Variants in SCLT1 observed in about 807,000 individuals in gnomAD.
The protein encoded by SCLT1 is sodium channel and clathrin linker 1.
Under a neutral mutation model 112.8 loss-of-function variants are expected in SCLT1, and 78 were observed. The ratio of observed to expected loss-of-function variants is 0.69; its 90% CI spans 0.58 to 0.83. The LOEUF (loss-of-function observed/expected upper bound fraction) is 0.83. Among genes scored for constraint, SCLT1 ranks in the 40% least tolerant of loss-of-function variants. SCLT1 has a pLI of 0.00. For missense variants in SCLT1, 747 were observed against 770.4 expected (o/e 0.97, Z 0.36); for synonymous variants, 257 against 254.7 (o/e 1.01, Z -0.09).
intron 5 of SCLT1, among the ~76,000 whole-genome samples, chr4:129,010,560 T>C (rs141872251): frequency 8.8e-4 from 134 of 152,322 alleles, no homozygotes; most frequent in African/African-American, 3.0e-3. Flanking sequence ...TGGAACATTT[T>C]TTCATTTGTT....
At chr4:129,048,998 G>T (rs985538357) in intron 2 of SCLT1, among the ~76,000 whole-genome samples, 36 of 151,920 alleles carry the variant, frequency 2.4e-4, no homozygotes, top group Non-Finnish European at 5.0e-4. Flanking sequence ...TGGAGAGGAT[G>T]TGGAGAAATA....
intron 2 of SCLT1, among the ~76,000 whole-genome samples, chr4:129,054,624 A>T (rs957545451): frequency 2.0e-5 from 3 of 152,008 alleles, no homozygotes; most frequent in African/African-American, 7.2e-5. Context: ...TCTTCTCTAA[A>T]CTGGTTATTA....
chr4:129,081,334 G>C (rs1807772), intron 2 of SCLT1, among the ~76,000 whole-genome samples: 2,191 of 152,316 alleles, frequency 0.014, 48 homozygotes, highest in African/African-American at 0.044. Context: ...CATGAGCAAG[G>C]CTCTAACGCT....
At chr4:129,049,914 GGT>G (rs1436168490) in intron 2 of SCLT1, among the ~76,000 whole-genome samples, 1 of 151,974 alleles carries the variant, frequency 6.6e-6, no homozygotes, top group East Asian at 1.9e-4. Context: ...GACAGGCCCT[GGT>G]GTGTGATGTT....
chr4:129,010,189 T>C (rs1029210374), intron 5 of SCLT1, among the ~76,000 whole-genome samples: 1 of 152,200 alleles, frequency 6.6e-6, no homozygotes, highest in Non-Finnish European at 1.5e-5. Flanking sequence ...CTTTCCCCAT[T>C]GCTTGAGTTA....
At chr4:129,034,793 T>C (rs911777898) in intron 5 of SCLT1, among the ~76,000 whole-genome samples, 3 of 151,630 alleles carry the variant, frequency 2.0e-5, no homozygotes, top group East Asian at 3.9e-4. Context: ...TTCAACTTCA[T>C]AGTCACATAA....
intron 14 of SCLT1, chr4:128,952,560 A>C (rs1738846786): frequency 1.7e-6 from 1 of 583,302 alleles, no homozygotes; most frequent in African/African-American, 1.9e-5. Flanking sequence ...TTACAGTAAA[A>C]TGTGATAAAT....
At chr4:128,963,842 A>G (rs750128904) in intron 11 of SCLT1, among the ~76,000 whole-genome samples, 1 of 152,216 alleles carries the variant, frequency 6.6e-6, no homozygotes, top group Non-Finnish European at 1.5e-5. Context: ...AGGGGCAGGC[A>G]TATATTTATT....
chr4:128,954,174 AG>A (rs1739020834), intron 13 of SCLT1, among the ~76,000 whole-genome samples: 1 of 152,158 alleles, frequency 6.6e-6, no homozygotes, highest in African/African-American at 2.4e-5. Context: ...AGAATTTTCT[AG>A]TACAAGATGG....
chr4:129,038,676 T>G (rs1229224910), intron 5 of SCLT1, among the ~76,000 whole-genome samples: 3 of 152,162 alleles, frequency 2.0e-5, no homozygotes, highest in Admixed American at 6.5e-5. Context: ...CTGAAAAGTT[T>G]TCATTTTATC....
chr4:129,043,969 G>A (rs762563900), intron 3 of SCLT1, 24 bp downstream of exon 3: 7 of 1,161,160 alleles, frequency 6.0e-6, no homozygotes, highest in Non-Finnish European at 8.9e-6. Context: ...CGAAGAAAAT[G>A]ATATTATTCT....
chr4:129,016,238 T>A (rs1744983355), intron 5 of SCLT1, among the ~76,000 whole-genome samples: 1 of 152,184 alleles, frequency 6.6e-6, no homozygotes, highest in Non-Finnish European at 1.5e-5. Context: ...GGTAAATGTG[T>A]GCCATGGTGG....
At chr4:128,979,591 A>T (rs1381981071) in intron 9 of SCLT1, among the ~76,000 whole-genome samples, 1 of 152,198 alleles carries the variant, frequency 6.6e-6, no homozygotes, top group Non-Finnish European at 1.5e-5. Context: ...ATTTTGTTAT[A>T]GCAGCCCCAA....
intron 5 of SCLT1, among the ~76,000 whole-genome samples, chr4:129,009,749 G>C (rs930511117): frequency 2.6e-5 from 4 of 152,152 alleles, no homozygotes; most frequent in Non-Finnish European, 5.9e-5. Flanking sequence ...TTGGCCACAT[G>C]TATGTCTTCT....
At chr4:128,994,201 G>GAA (rs1037021584) in intron 8 of SCLT1, among the ~76,000 whole-genome samples, 1 of 152,010 alleles carries the variant, frequency 6.6e-6, no homozygotes, top group African/African-American at 2.4e-5. Context: ...AAAGGCCCTG[G>GAA]AAGTCACCAT....
chr4:129,043,887 T>C, intron 3 of SCLT1, 106 bp downstream of exon 3: 1 of 650,632 alleles, frequency 1.5e-6, no homozygotes, highest in East Asian at 3.0e-5. Flanking sequence ...ACAAAGCATT[T>C]AAGTTTAATA....
intron 18 of SCLT1, among the ~76,000 whole-genome samples, chr4:128,914,552 A>G (rs538952058): frequency 6.6e-6 from 1 of 152,280 alleles, no homozygotes; most frequent in Admixed American, 6.5e-5. Context: ...AGAGTTTGTA[A>G]GAGAGGTCAG....
chr4:129,058,314 T>C (rs1749633336), intron 2 of SCLT1, among the ~76,000 whole-genome samples: 1 of 152,178 alleles, frequency 6.6e-6, no homozygotes, highest in African/African-American at 2.4e-5. Flanking sequence ...GATGTTTCAT[T>C]AGGTTAATTG....
At chr4:129,004,231 T>C (rs1013817059) in intron 5 of SCLT1, among the ~76,000 whole-genome samples, 1 of 152,118 alleles carries the variant, frequency 6.6e-6, no homozygotes, top group African/African-American at 2.4e-5. Flanking sequence ...AATATCTATG[T>C]ATATCTAGTC....
Sources: gnomAD v4.1 joint callset for allele counts (sites outside exome capture counted in the v4.1 genomes callset) on GRCh38, gnomAD v4.1.1 for gene constraint, MANE v1.5 for transcripts, NCBI Gene and HGNC (gene_info 2026-07-23, HGNC 2026-07-21) for gene names.